Variants in RBM6 observed in about 807,000 individuals in gnomAD.
RBM6 encodes RNA binding motif protein 6.
RBM6 carries 23 observed loss-of-function variants against 140.4 expected under a neutral mutation model. The observed-to-expected ratio is 0.16, with a 90% CI of 0.12 to 0.23. The LOEUF is 0.23. Ranked by LOEUF, RBM6 falls within the 10% of genes least tolerant of loss-of-function variation. RBM6 has a pLI of 1.00. For missense variants in RBM6, 1,139 were observed against 1,386.7 expected (o/e 0.82, Z 2.84); for synonymous variants, 439 against 475.6 (o/e 0.92, Z 1.00).
At chr3:49,945,436 T>C (rs1010023866) in intron 1 of RBM6, among the ~76,000 whole-genome samples, 1 of 152,232 alleles carries the variant, frequency 6.6e-6, no homozygotes, top group African/African-American at 2.4e-5. Context: ...TTTTCCACAC[T>C]GGTTGCACCA....
At chr3:50,023,528 A>G (rs2087628009) in intron 6 of RBM6, among the ~76,000 whole-genome samples, 1 of 152,064 alleles carries the variant, frequency 6.6e-6, no homozygotes, top group Non-Finnish European at 1.5e-5. Flanking sequence ...TTAAGTAGTG[A>G]CCGCAGTCCG....
intron 6 of RBM6, among the ~76,000 whole-genome samples, chr3:50,030,483 C>T (rs542150504): frequency 6.6e-6 from 1 of 152,146 alleles, no homozygotes; most frequent in South Asian, 2.1e-4. Flanking sequence ...GTTCCACTAC[C>T]TACTTTTTTC....
At chr3:49,965,559 C>T (rs1484534013) in intron 2 of RBM6, among the ~76,000 whole-genome samples, 1 of 151,812 alleles carries the variant, frequency 6.6e-6, no homozygotes, top group Non-Finnish European at 1.5e-5. Flanking sequence ...AGTCCCAGCC[C>T]CTTGGGAAGC....
intron 6 of RBM6, among the ~76,000 whole-genome samples, chr3:49,999,809 G>A (rs1321647475): frequency 1.3e-5 from 2 of 151,572 alleles, no homozygotes; most frequent in Non-Finnish European, 2.9e-5. Flanking sequence ...TTTCCTTTTG[G>A]AGTGTGACTG....
chr3:50,054,275 A>C, intron 7 of RBM6, 60 bp from the exon 8 acceptor site: 1 of 1,364,002 alleles, frequency 7.3e-7, no homozygotes, highest in Non-Finnish European at 1.0e-6. Context: ...TCACTTTGTT[A>C]GATATACATA....
rs1466563015 is a variant in RBM6 at position 49,968,145 on chromosome 3, A to G, written c.720A>G (p.Ser240=). The G allele has an allele frequency of 1.2e-6, 2 of 1,614,094 alleles. No individual in the cohort carries two copies. Among genetic ancestry groups the G allele is most frequent in the East Asian group, 4.5e-5 (2 of 44,904 alleles). ...GTQVDFRGRG[S]GTTDLDFRDR... is the part of the protein sequence containing the mutation. ...AAGTAGACTTTAGAGGCCGAGGTTC[A>G]GGTACTACTGATCTAGACTTTAGGG... The change falls in exon 3 of 21, where the codon TCA becomes TCG. Residue 240 remains serine, a synonymous_variant. Transcript: ENST00000266022.
At chr3:49,968,780 T>TTTTTC (rs2084634297) in intron 3 of RBM6, 32 bp downstream of exon 3, 1 of 908,296 alleles carries the variant, frequency 1.1e-6, no homozygotes, top group African/African-American at 2.8e-5. Flanking sequence ...CTTTTTTTTT[T>TTTTTC]TTTTTTTTTT....
At chr3:50,033,077 A>T (rs1021952441) in intron 6 of RBM6, among the ~76,000 whole-genome samples, 2 of 151,872 alleles carry the variant, frequency 1.3e-5, no homozygotes, top group African/African-American at 4.8e-5. Flanking sequence ...TGGGCAGATC[A>T]CCTGAGGTCA....
intron 4 of RBM6, among the ~76,000 whole-genome samples, chr3:49,973,430 GC>G (rs1259265395): frequency 6.6e-6 from 1 of 152,052 alleles, no homozygotes. Context: ...AAGTGCTGTG[GC>G]CCTGGACTGT....
At chr3:50,054,508 CTTT>C (rs373305597) in intron 8 of RBM6, 113 bp downstream of exon 8, 1,370 of 717,170 alleles carry the variant, frequency 1.9e-3, no homozygotes, top group East Asian at 2.6e-3. Context: ...ATCTACAAAC[CTTT>C]TTTTTTTTTT....
chr3:49,968,773 T>TTTTC, intron 3 of RBM6, 25 bp downstream of exon 3: 9 of 662,742 alleles, frequency 1.4e-5, no homozygotes, highest in Non-Finnish European at 1.8e-5. Context: ...TGGATTGCTT[T>TTTTC]TTTTTTTTTT....
chr3:49,942,115 A>G (rs2083309921), intron 1 of RBM6, among the ~76,000 whole-genome samples: 1 of 151,658 alleles, frequency 6.6e-6, no homozygotes, highest in Non-Finnish European at 1.5e-5. Flanking sequence ...AAAAAAATCA[A>G]TTAAATAAAT....
At chr3:50,020,042 C>T (rs986885713) in intron 6 of RBM6, among the ~76,000 whole-genome samples, 2 of 151,936 alleles carry the variant, frequency 1.3e-5, no homozygotes, top group African/African-American at 2.4e-5. Flanking sequence ...TCTCAGCTTT[C>T]CAAGTAGCTA....
intron 5 of RBM6, among the ~76,000 whole-genome samples, chr3:49,989,784 C>G (rs1159640052): frequency 6.6e-6 from 1 of 152,066 alleles, no homozygotes; most frequent in Non-Finnish European, 1.5e-5. Context: ...CCCACTGTCA[C>G]CCAGGCTGGA....
chr3:49,950,151 G>C (rs76425961), intron 1 of RBM6, among the ~76,000 whole-genome samples: 2 of 152,120 alleles, frequency 1.3e-5, no homozygotes, highest in Non-Finnish European at 2.9e-5. Context: ...CAGGGAGTGG[G>C]TAGGCGGTCA....
chr3:50,000,346 CTTT>C (rs780436283), intron 6 of RBM6, among the ~76,000 whole-genome samples: 7 of 110,148 alleles, frequency 6.4e-5, no homozygotes, highest in Non-Finnish European at 1.1e-4. Context: ...TTTTTTTTTT[CTTT>C]TTTTTTTTTT....
chr3:49,948,533 T>C (rs898430522), intron 1 of RBM6, among the ~76,000 whole-genome samples: 1 of 151,740 alleles, frequency 6.6e-6, no homozygotes, highest in Non-Finnish European at 1.5e-5. Context: ...GCCAATGTCA[T>C]GAAACCTAGT....
At chr3:50,036,763 AC>A (rs2088559618) in intron 6 of RBM6, among the ~76,000 whole-genome samples, 1 of 151,986 alleles carries the variant, frequency 6.6e-6, no homozygotes, top group Non-Finnish European at 1.5e-5. Flanking sequence ...ATCCCAGTGA[AC>A]CTTTTCTGAC....
Position 49,967,572 on chromosome 3 carries a change from C to T in RBM6, c.147C>T (p.Gly49=). The T allele has an allele frequency of 6.2e-7, 1 of 1,614,160 alleles. No homozygotes were observed. The highest frequency in any genetic ancestry group is 8.5e-7 in the Non-Finnish European group (1 of 1,180,034). The change falls in exon 3 of 21, where the codon GGC becomes GGT. Residue 49 remains glycine, a synonymous_variant. Coordinates refer to ENST00000266022, the MANE Select transcript of RBM6 (RefSeq NM_005777.3). The surrounding 1 kb of genome is among the most constrained non-coding windows in gnomAD (Gnocchi z 4.0). Reference sequence around the variant, plus strand: ...AGAGACACTCTGGCAACTTTCCTGGCAGAGATTCACTTCCCTTTGATTTCC... The same window carrying T: ...AGAGACACTCTGGCAACTTTCCTGGTAGAGATTCACTTCCCTTTGATTTCC... ...AQERHSGNFP[G]RDSLPFDFQG... is the part of the protein sequence containing the mutation.
Sources: allele counts gnomAD v4.1 joint callset (sites outside exome capture counted in the v4.1 genomes callset), GRCh38; gene constraint gnomAD v4.1.1; non-coding constraint Gnocchi (gnomAD v3.1); transcripts MANE v1.5; gene names NCBI Gene and HGNC (gene_info 2026-07-23, HGNC 2026-07-21).